APBB2: variants seen among roughly 807,000 people sequenced by gnomAD.
APBB2 encodes the protein amyloid beta precursor protein binding family B member 2.
APBB2 carries 38 observed loss-of-function variants against 82.5 expected under a neutral mutation model. The ratio of observed to expected loss-of-function variants is 0.46; its 90% CI spans 0.36 to 0.60. The LOEUF is 0.60. APBB2 is among the 20% of genes least tolerant of loss of function. The pLI is 0.00. For synonymous variants in APBB2, 341 were observed against 368.2 expected, an observed-to-expected ratio of 0.93 and a Z score of 0.85; for missense variants, 772 against 972.3, an observed-to-expected ratio of 0.79 and a Z score of 2.74.
intron 16 of APBB2, 183 bp from the exon 17 acceptor site, chr4:40,822,233 G>C: frequency 1.6e-6 from 1 of 627,384 alleles, no homozygotes; most frequent in East Asian, 2.8e-5. Flanking sequence ...TGGCTACCCT[G>C]TTCTGGAGGT....
chr4:41,082,889 A>G (rs1162846194), intron 3 of APBB2, among the ~76,000 whole-genome samples: 1 of 152,164 alleles, frequency 6.6e-6, no homozygotes, highest in East Asian at 1.9e-4. Flanking sequence ...TAGGCTGTGC[A>G]CGGTGGCTCA....
At chr4:41,000,404 A>C (rs1804888387) in intron 6 of APBB2, among the ~76,000 whole-genome samples, 1 of 152,204 alleles carries the variant, frequency 6.6e-6, no homozygotes, top group Admixed American at 6.5e-5. Flanking sequence ...TCTGTGGTCC[A>C]GCTGTTGTAC....
At chr4:41,021,659 G>C (rs1560545100) in intron 5 of APBB2, among the ~76,000 whole-genome samples, 2 of 152,170 alleles carry the variant, frequency 1.3e-5, no homozygotes, top group Non-Finnish European at 2.9e-5. Flanking sequence ...GGACCAATCA[G>C]CAGGACGTGG....
At chr4:40,884,543 G>A (rs1296925865) in intron 12 of APBB2, among the ~76,000 whole-genome samples, 2 of 152,144 alleles carry the variant, frequency 1.3e-5, no homozygotes, top group African/African-American at 2.4e-5. Context: ...TTGGGAGGCC[G>A]AAGTGGGAGG....
intron 10 of APBB2, among the ~76,000 whole-genome samples, chr4:40,897,044 A>G (rs182341199): frequency 8.5e-5 from 13 of 152,368 alleles, no homozygotes; most frequent in Non-Finnish European, 1.8e-4. Flanking sequence ...GGACTGCTCA[A>G]AAGAATTCAG....
intron 6 of APBB2, among the ~76,000 whole-genome samples, chr4:40,987,020 G>A (rs577445028): frequency 1.3e-5 from 2 of 152,086 alleles, no homozygotes; most frequent in Non-Finnish European, 2.9e-5. Flanking sequence ...TTAAAGCAAA[G>A]CCAAAAATCA....
At chr4:40,991,931 G>T (rs1000682413) in intron 6 of APBB2, among the ~76,000 whole-genome samples, 2 of 151,966 alleles carry the variant, frequency 1.3e-5, no homozygotes, top group Non-Finnish European at 2.9e-5. Context: ...ACCTGTGAGG[G>T]TGTTCTACAA....
chr4:41,020,750 G>A (rs905173495), intron 5 of APBB2, among the ~76,000 whole-genome samples: 1 of 152,164 alleles, frequency 6.6e-6, no homozygotes, highest in Non-Finnish European at 1.5e-5. Context: ...GGATTTCTCA[G>A]TTTGCAAGAA....
chr4:41,027,934 T>A (rs1049389765), intron 5 of APBB2, among the ~76,000 whole-genome samples: 1 of 152,238 alleles, frequency 6.6e-6, no homozygotes. Flanking sequence ...CCAACATCAA[T>A]TCAAGAGGAT....
At chr4:40,892,354 A>G (rs895886114) in intron 11 of APBB2, 1 of 152,250 alleles carries the variant, frequency 6.6e-6, no homozygotes, top group Non-Finnish European at 1.5e-5. Flanking sequence ...AAATTCTTCC[A>G]GCTCTCCCTT....
rs1000833435 is a variant in APBB2 at position 40,890,572 on chromosome 4, C to T, written c.1402-81G>A. The T allele has an allele frequency of 2.4e-5, 38 of 1,553,444 alleles. No individual in the cohort carries two copies. The African/African-American group carries it at 3.2e-4, about 13-fold the overall frequency. ...CGTGTGTGTGGCCATCTAGGAATGCCGTGTCAACCATCAGAAGAAGCCACC... is the reference window on the plus strand; with the variant it reads ...CGTGTGTGTGGCCATCTAGGAATGCTGTGTCAACCATCAGAAGAAGCCACC... On this transcript the variant is annotated intron_variant, in intron 11 of 17. Coordinates refer to ENST00000508593, the MANE Select transcript of APBB2 (RefSeq NM_004307.2).
At chr4:40,837,061 G>A (rs1577831946) in intron 12 of APBB2, among the ~76,000 whole-genome samples, 1 of 152,198 alleles carries the variant, frequency 6.6e-6, no homozygotes, top group Non-Finnish European at 1.5e-5. Context: ...TGATTTTCTT[G>A]TATTCTGAGG....
At chr4:41,209,303 G>A (rs918630923) in intron 1 of APBB2, among the ~76,000 whole-genome samples, 1 of 152,106 alleles carries the variant, frequency 6.6e-6, no homozygotes, top group Non-Finnish European at 1.5e-5. Flanking sequence ...AATGGGATTG[G>A]TTTCCTTTGC....
intron 10 of APBB2, among the ~76,000 whole-genome samples, chr4:40,899,000 G>C (rs1317424806): frequency 6.6e-6 from 1 of 152,084 alleles, no homozygotes; most frequent in East Asian, 1.9e-4. Flanking sequence ...GCCACACCTT[G>C]AGAACCACTG....
At chr4:41,032,438 G>T (rs1421373941) in intron 5 of APBB2, among the ~76,000 whole-genome samples, 1 of 151,588 alleles carries the variant, frequency 6.6e-6, no homozygotes, top group Non-Finnish European at 1.5e-5. Context: ...TAAAATTAAG[G>T]TTGTTTTCCT....
chr4:41,002,389 T>G (rs930238901), intron 6 of APBB2, among the ~76,000 whole-genome samples: 2 of 152,246 alleles, frequency 1.3e-5, no homozygotes, highest in Non-Finnish European at 2.9e-5. Context: ...GGCAAGGGAC[T>G]GAGACTAGGA....
chr4:40,826,066 C>CGTGT lies in APBB2; in HGVS notation c.1733-97_1733-96insACAC. 3 of 898,430 alleles carry CGTGT rather than the reference C, an allele frequency of 3.3e-6. No homozygotes were observed. Among genetic ancestry groups the CGTGT allele is most frequent in the Non-Finnish European group, 5.6e-6 (3 of 531,138 alleles). 55.7% of individuals were successfully genotyped at this position (898,430 alleles called of 1,614,324 possible). A position where few individuals can be genotyped will look rare whatever the true frequency, so the allele number is the denominator to read the frequency against. On this transcript the variant is annotated intron_variant, in intron 14 of 17. Transcript: ENST00000508593. The surrounding 1 kb of genome is among the most constrained non-coding windows in gnomAD (Gnocchi z 4.5). ...GCATCATCTGAATGCTCAGGACACGCCCTGTGCCATAACGCCCTATGTTTC... is the reference window on the plus strand; with the variant it reads ...GCATCATCTGAATGCTCAGGACACGCGTGTCCTGTGCCATAACGCCCTATGTTTC...
intron 6 of APBB2, among the ~76,000 whole-genome samples, chr4:40,945,792 T>C (rs1788214549): frequency 6.6e-6 from 1 of 152,240 alleles, no homozygotes; most frequent in Admixed American, 6.5e-5. Flanking sequence ...GTATTTTTAA[T>C]AGAGACGAGG....
At position 41,086,746 on chromosome 4, in the gene APBB2, G is replaced by C. The variant is rs1194015208; in HGVS notation, c.-149+13893C>G. 2.0e-5 allele frequency among the ~76,000 whole-genome samples: 3 copies of C among 152,068 alleles called. 1 individual carries two copies. The highest frequency in any genetic ancestry group is 4.4e-5 in the Non-Finnish European group (3 of 68,014). The stretch of plus-strand genomic sequence containing the variant: ...AAATGACTGAAAGCTTTTCCTGTAA[G>C]ATCAAGAGGAAGAAAAGAATGTCCA... On this transcript the variant is annotated intron_variant, in intron 3 of 17. Transcript: ENST00000508593.
Sources: gnomAD v4.1 joint callset for allele counts (sites outside exome capture counted in the v4.1 genomes callset) on GRCh38, gnomAD v4.1.1 for gene constraint, Gnocchi (gnomAD v3.1) non-coding constraint, MANE v1.5 for transcripts, NCBI Gene and HGNC (gene_info 2026-07-23, HGNC 2026-07-21) for gene names.